Variants in ZC3H12B observed in about 807,000 individuals in gnomAD.
ZC3H12B encodes zinc finger CCCH-type containing 12B.
In ZC3H12B, 7 loss-of-function variants were observed where a neutral mutation model predicts 43.9. That is an observed-to-expected ratio of 0.16 (90% CI 0.09 to 0.30). The LOEUF is 0.30. Among genes scored for constraint, ZC3H12B ranks in the 10% least tolerant of loss-of-function variants. The probability of loss-of-function intolerance (pLI) is 1.00; values close to 1 mark genes in which losing one functional copy is unlikely to be tolerated. For synonymous variants in ZC3H12B, 222 were observed against 241.7 expected, an observed-to-expected ratio of 0.92 and a Z score of 0.76; for missense variants, 475 against 670.2, an observed-to-expected ratio of 0.71 and a Z score of 3.22.
At chrX:65,454,181 C>G (rs1409622550) in intron 3 of ZC3H12B, among the ~76,000 whole-genome samples, 7 of 112,751 alleles carry the variant, frequency 6.2e-5, no homozygotes, top group Non-Finnish European at 1.3e-4. Flanking sequence ...TGAGCTGAAG[C>G]AGGGCGAGGC....
the ZC3H12B span, among the ~76,000 whole-genome samples, chrX:65,062,900 G>A: frequency 9.0e-6 from 1 of 111,232 alleles, no homozygotes; most frequent in Non-Finnish European, 1.9e-5. Context: ...GTATTCCTAG[G>A]TATTTTATTC....
the ZC3H12B span, among the ~76,000 whole-genome samples, chrX:65,136,477 G>T: frequency 9.0e-6 from 1 of 111,429 alleles, no homozygotes; most frequent in African/African-American, 3.3e-5. Flanking sequence ...TGCTAGAGTG[G>T]CTATCTAGGC....
chrX:65,392,317 G>A (rs1468117598), intron 2 of ZC3H12B, among the ~76,000 whole-genome samples: 2 of 111,755 alleles, frequency 1.8e-5, no homozygotes, highest in Non-Finnish European at 1.9e-5. Flanking sequence ...TCTGTGAAGT[G>A]AGGAGCATCT....
At chrX:65,362,105 C>T (rs773401301), upstream of ZC3H12B, among the ~76,000 whole-genome samples, 1 of 112,063 alleles carries the variant, frequency 8.9e-6, no homozygotes, top group African/African-American at 3.2e-5. Context: ...AACCCAGCAG[C>T]CACTCCCAGA....
At chrX:65,150,144 C>T in the ZC3H12B span, among the ~76,000 whole-genome samples, 2 of 110,862 alleles carry the variant, frequency 1.8e-5, no homozygotes, top group African/African-American at 6.6e-5. Flanking sequence ...TTTCCCCTTC[C>T]TTTCCTATTG....
At chrX:65,281,278 A>T in the ZC3H12B span, among the ~76,000 whole-genome samples, 1 of 98,386 alleles carries the variant, frequency 1.0e-5, no homozygotes, top group African/African-American at 3.8e-5. Context: ...TTTCACCCCC[A>T]GGGTAGAGTG....
At chrX:65,304,229 T>C in the ZC3H12B span, among the ~76,000 whole-genome samples, 1 of 111,869 alleles carries the variant, frequency 8.9e-6, no homozygotes, top group Non-Finnish European at 1.9e-5. Flanking sequence ...TACATACATA[T>C]CAATTTTCAA....
At chrX:65,403,925 C>T (rs911092273) in intron 3 of ZC3H12B, among the ~76,000 whole-genome samples, 3 of 111,310 alleles carry the variant, frequency 2.7e-5, no homozygotes, top group Non-Finnish European at 5.7e-5. Flanking sequence ...AAAAAAACAC[C>T]GAATACTTCA....
At chrX:65,183,392 C>T in the ZC3H12B span, among the ~76,000 whole-genome samples, 1 of 110,967 alleles carries the variant, frequency 9.0e-6, no homozygotes, top group Non-Finnish European at 1.9e-5. Context: ...AAGAAGATAA[C>T]AGACACTGGG....
the ZC3H12B span, among the ~76,000 whole-genome samples, chrX:65,168,851 T>A: frequency 8.9e-6 from 1 of 112,087 alleles, no homozygotes. Flanking sequence ...TATTCTCTGA[T>A]GGTAGTTTGT....
chrX:65,141,754 G>A, the ZC3H12B span, among the ~76,000 whole-genome samples: 5 of 111,125 alleles, frequency 4.5e-5, no homozygotes, highest in Non-Finnish European at 9.4e-5. Flanking sequence ...ATATGAATGA[G>A]AACATACGAT....
At chrX:65,457,000 C>T (rs1476005340) in intron 3 of ZC3H12B, among the ~76,000 whole-genome samples, 13 of 100,213 alleles carry the variant, frequency 1.3e-4, no homozygotes, top group Non-Finnish European at 1.8e-4. Context: ...AAGCGAGGAG[C>T]GCCTCTTCCC....
At chrX:65,089,527 T>C in the ZC3H12B span, among the ~76,000 whole-genome samples, 6 of 112,139 alleles carry the variant, frequency 5.4e-5, no homozygotes, top group African/African-American at 9.7e-5. Flanking sequence ...TACATTACTG[T>C]ACACTACTGT....
the ZC3H12B span, among the ~76,000 whole-genome samples, chrX:65,255,857 T>C: frequency 8.9e-6 from 1 of 112,052 alleles, no homozygotes; most frequent in East Asian, 2.8e-4. Context: ...ATGAAATGAA[T>C]GGAAAACAGA....
At chrX:65,284,190 A>G in the ZC3H12B span, among the ~76,000 whole-genome samples, 1 of 108,652 alleles carries the variant, frequency 9.2e-6, no homozygotes, top group Non-Finnish European at 1.9e-5. Context: ...AGTAAATTCA[A>G]AAATAGGAAG....
At chrX:65,374,011 CT>C (rs1188597227) in intron 2 of ZC3H12B, among the ~76,000 whole-genome samples, 4,353 of 23,879 alleles carry the variant, frequency 0.18, 1,014 homozygotes, top group African/African-American at 0.58. Flanking sequence ...ATATATATAA[CT>C]ATATATACAG....
chrX:65,183,592 T>C, the ZC3H12B span, among the ~76,000 whole-genome samples: 4 of 112,112 alleles, frequency 3.6e-5, no homozygotes, highest in African/African-American at 1.3e-4. Flanking sequence ...AACAGTCTTA[T>C]GGTTGTGGAA....
At chrX:65,134,755 T>C in the ZC3H12B span, among the ~76,000 whole-genome samples, 2 of 111,435 alleles carry the variant, frequency 1.8e-5, no homozygotes, top group African/African-American at 6.5e-5. Flanking sequence ...ACAGGCTTTG[T>C]GTGAGCAACA....
chrX:65,364,018 A>T (rs1351173989), upstream of ZC3H12B, among the ~76,000 whole-genome samples: 1 of 110,724 alleles, frequency 9.0e-6, no homozygotes, highest in African/African-American at 3.3e-5. Context: ...TATCTCTCTG[A>T]TACACCTGGC....
Sources: allele counts gnomAD v4.1 joint callset (sites outside exome capture counted in the v4.1 genomes callset), GRCh38; gene constraint gnomAD v4.1.1; transcripts MANE v1.5; gene names NCBI Gene and HGNC (gene_info 2026-07-23, HGNC 2026-07-21).